Variants in TBL2 observed in about 807,000 individuals in gnomAD.
TBL2 encodes transducin beta-like protein 2.
A neutral mutation model predicts 41.8 loss-of-function variants in TBL2; 33 were observed. The observed-to-expected ratio is 0.79, with a 90% CI of 0.60 to 1.06. TBL2 has a LOEUF of 1.06. TBL2 is among the 50% of genes least tolerant of loss of function. TBL2 has a pLI of 0.00. For synonymous variants in TBL2, 239 were observed against 241.7 expected, an observed-to-expected ratio of 0.99 and a Z score of 0.10; for missense variants, 522 against 603.8, an observed-to-expected ratio of 0.86 and a Z score of 1.42.
rs782359328 is a variant in TBL2 at position 73,571,232 on chromosome 7, A to T, written c.835T>A (p.Ser279Thr). 2 of 1,614,236 alleles carry T rather than the reference A, an allele frequency of 1.2e-6. No individual in the cohort carries two copies. The highest frequency in any genetic ancestry group is 1.7e-6 in the Non-Finnish European group (2 of 1,180,048). The part of the protein sequence containing the change: ...VVRAFELKGH[S>T]AAVHSFAFSN... ...AAAGCAAACGAGTGCACAGCCGCGG[A>T]GTGGCCCTTTAGTTCGAAGGCTCGC... Residue 279 changes from serine to threonine, a missense_variant, in exon 6 of 7, where the codon TCC (serine) becomes ACC (threonine). Physicochemically the swap from Ser to Thr is moderately conservative, Grantham distance 58 (BLOSUM62 1). Transcript: ENST00000305632.
intron 4 of TBL2, 65 bp from the exon 5 acceptor site, chr7:73,573,035 C>G: frequency 6.2e-7 from 1 of 1,606,188 alleles, no homozygotes; most frequent in Non-Finnish European, 8.5e-7. Context: ...TCTCCAAAGA[C>G]ACTTACAAGG....
Position 73,577,814 on chromosome 7 carries a change from T to C in TBL2, c.130+606A>G, listed in dbSNP as rs553562685. On this transcript the variant is annotated intron_variant, in intron 1 of 6. Coordinates refer to ENST00000305632, the MANE Select transcript of TBL2 (RefSeq NM_012453.4). ...GCGTGCACAACCACACCCAGCTAAT[T>C]TTGCGTAGAGATGGGGTCTTGCTAT... 5.3e-3 allele frequency among the ~76,000 whole-genome samples: 797 copies of C among 151,388 alleles called. 5 individuals carry two copies. Among genetic ancestry groups the C allele is most frequent in the Non-Finnish European group, 8.9e-3 (602 of 67,818 alleles).
At chr7:73,574,882 C>T (rs567198153) in intron 1 of TBL2, 8 of 368,170 alleles carry the variant, frequency 2.2e-5, no homozygotes, top group Non-Finnish European at 4.3e-5. Flanking sequence ...GATTCTGTCT[C>T]TACTACTGAC....
rs201337053 is a variant in TBL2, at chr7:73,578,433, G to A, written c.117C>T (p.Ser39=). ...RGWLRAGEER[S]GRPACQKANG... ...GGCCCCACTTACAGGCGGGCCGGCC[G>A]CTCCTCTCCTCCCCCGCGCGCAGCC... The change falls in exon 1 of 7, where the codon AGC becomes AGT. Residue 39 remains serine (S), a synonymous_variant. Transcript: ENST00000305632. 1.3e-6 allele frequency: 2 copies of A among 1,531,188 alleles called. No individual in the cohort carries two copies. The highest frequency in any genetic ancestry group is 1.2e-5 in the South Asian group (1 of 82,602). The allele number at this position is 1,531,188 out of a possible 1,614,324, so 94.9% of individuals were successfully genotyped here. A position where few individuals can be genotyped will look rare whatever the true frequency, so the allele number is the denominator to read the frequency against.
At position 73,578,523 on chromosome 7, in the gene TBL2, G is replaced by A. The variant is rs1422755305; in HGVS notation, c.27C>T (p.Leu9=). 7 of 1,593,392 alleles carry A rather than the reference G, an allele frequency of 4.4e-6. No individual in the cohort carries two copies. The highest frequency in any genetic ancestry group is 6.0e-6 in the Non-Finnish European group (7 of 1,171,774). The change falls in exon 1 of 7, where the codon CTC becomes CTT. Residue 9 remains leucine, a synonymous_variant. Transcript: ENST00000305632. The part of the protein sequence containing the change: MELSQMSE[L]MGLSVLLGLL... Reference sequence around the variant, plus strand: ...GCCCAAGCAACACCGACAGCCCCATGAGCTCCGACATCTGCGAGAGCTCCA... The same window carrying A: ...GCCCAAGCAACACCGACAGCCCCATAAGCTCCGACATCTGCGAGAGCTCCA...
chr7:73,574,945 G>A, intron 1 of TBL2: 1 of 315,604 alleles, frequency 3.2e-6, no homozygotes, highest in South Asian at 2.6e-5. Context: ...TTCATGTAGA[G>A]TGGAAAAGGC....
Position 73,568,806 on chromosome 7 carries a change from A to G in TBL2, c.*1701T>C, listed in dbSNP as rs541789878. ...GCCAGGCGTGGTGGCACATGCCTGTAATCCCAGCTACTCTGGAGGCTGAGG... is the reference window on the plus strand; with the variant it reads ...GCCAGGCGTGGTGGCACATGCCTGTGATCCCAGCTACTCTGGAGGCTGAGG... On this transcript the variant is annotated 3_prime_UTR_variant, in exon 7 of 7. Coordinates refer to ENST00000305632, the MANE Select transcript of TBL2 (RefSeq NM_012453.4). 84 of 152,314 alleles carry G rather than the reference A, an allele frequency of 5.5e-4. No homozygotes were observed. The highest frequency in any genetic ancestry group is 2.0e-3 in the African/African-American group (83 of 41,552). 9.4% of individuals were successfully genotyped at this position (152,314 alleles called of 1,614,324 possible).
At chr7:73,576,674 A>G (rs1554589004) in intron 1 of TBL2, 1 of 456,484 alleles carries the variant, frequency 2.2e-6, no homozygotes. Flanking sequence ...ATGCTCCCCA[A>G]TTCCAACAGG....
intron 1 of TBL2, chr7:73,574,864 T>C: frequency 2.6e-6 from 1 of 381,650 alleles, no homozygotes. Context: ...GAATCAGACC[T>C]GGGTTTGGAT....
Position 73,571,204 on chromosome 7 carries a change from G to C in TBL2, c.863C>G (p.Ser288Cys). The change falls in exon 6 of 7, where the codon TCC becomes TGC. Residue 288 changes from serine to cysteine, a missense_variant. Coordinates refer to ENST00000305632, the MANE Select transcript of TBL2 (RefSeq NM_012453.4). ...HSAAVHSFAFSNDSRRMASVS... is the reference protein window; with the variant it reads ...HSAAVHSFAFCNDSRRMASVS... Reference sequence around the variant, plus strand: ...ATTCACTCACCTCCGTGAGTCGTTGGAGAAAGCAAACGAGTGCACAGCCGC... The same window carrying C: ...ATTCACTCACCTCCGTGAGTCGTTGCAGAAAGCAAACGAGTGCACAGCCGC... 6.2e-7 allele frequency: 1 copy of C among 1,614,218 alleles called. No individual in the cohort carries two copies. Among genetic ancestry groups the C allele is most frequent in the Non-Finnish European group, 8.5e-7 (1 of 1,180,034 alleles).
intron 1 of TBL2, chr7:73,576,404 A>T: frequency 3.0e-6 from 1 of 328,652 alleles, no homozygotes; most frequent in Non-Finnish European, 6.1e-6. Context: ...CGTCTCTACT[A>T]AAAATACAAA....
At chr7:73,573,220 G>A in intron 4 of TBL2, 100 bp downstream of exon 4, 6 of 1,529,636 alleles carry the variant, frequency 3.9e-6, no homozygotes, top group Non-Finnish European at 5.3e-6. Flanking sequence ...GTTCCTCTCA[G>A]GTTGAGCAGA....
rs1171222574 is a variant in TBL2 at position 73,574,010 on chromosome 7, C to T, written c.374G>A (p.Arg125Gln). The change falls in exon 3 of 7, where the codon CGA (arginine) becomes CAA (glutamine). Residue 125 changes from arginine (R) to glutamine (Q), a missense_variant. Physicochemically the swap from Arg to Gln is conservative, Grantham distance 43. Coordinates refer to ENST00000305632, the MANE Select transcript of TBL2 (RefSeq NM_012453.4). ...RIWSTKDFLQREHRSMRANVE... is the reference protein window; with the variant it reads ...RIWSTKDFLQQEHRSMRANVE... The stretch of plus-strand genomic sequence containing the variant: ...GTTGGCTCTCATGCTGCGGTGCTCT[C>T]GCTGCAGGAAGTCCTTGGTGCTCCA... 2.9e-5 allele frequency: 47 copies of T among 1,614,086 alleles called. No individual in the cohort carries two copies. The highest frequency in any genetic ancestry group is 1.1e-4 in the South Asian group (10 of 91,094).
chr7:73,576,579 G>A (rs1554588976), intron 1 of TBL2: 2 of 456,288 alleles, frequency 4.4e-6, no homozygotes, highest in South Asian at 1.5e-5. Context: ...CATCTGTTGA[G>A]TCCTGTGCGG....
At chr7:73,573,102 G>A (rs985536651) in intron 4 of TBL2, 132 bp from the exon 5 acceptor site, 65 of 1,433,470 alleles carry the variant, frequency 4.5e-5, no homozygotes, top group Admixed American at 1.3e-4. Context: ...CTACAGATAA[G>A]GACTCTGCTG....
In TBL2 at chr7:73,571,306, T is replaced by G; in HGVS notation, c.761A>C (p.Lys254Thr). 1 of 1,614,180 alleles carries G rather than the reference T, an allele frequency of 6.2e-7. No homozygotes were observed. ...VASCGFTPDVKVWEVCFGKKG... is the reference protein window; with the variant it reads ...VASCGFTPDVTVWEVCFGKKG... ...CTTTCCAAAGCAGACTTCCCAAACC[T>G]TCACATCTGGGGTGAAGCCACACGA... Residue 254 changes from lysine to threonine, a missense_variant, in exon 6 of 7, where the codon AAG (lysine) becomes ACG (threonine). Coordinates refer to ENST00000305632, the MANE Select transcript of TBL2 (RefSeq NM_012453.4).
Position 73,570,343 on chromosome 7 carries a change from A to G in TBL2, c.*164T>C, listed in dbSNP as rs1792844204. 4 of 1,257,282 alleles carry G rather than the reference A, an allele frequency of 3.2e-6. No homozygotes were observed. Among genetic ancestry groups the G allele is most frequent in the Non-Finnish European group, 4.2e-6 (4 of 950,762 alleles). 77.9% of individuals were successfully genotyped at this position (1,257,282 alleles called of 1,614,324 possible). A position where few individuals can be genotyped will look rare whatever the true frequency, so the allele number is the denominator to read the frequency against. On this transcript the variant is annotated 3_prime_UTR_variant, in exon 7 of 7. Transcript: ENST00000305632. ...AGTCACAGCCAGCAAGAAGAGAGAG[A>G]CCTAAGTAGACAAGAGTAGTTTCAA...
chr7:73,577,656 T>C (rs1410457722), intron 1 of TBL2, among the ~76,000 whole-genome samples: 2 of 152,210 alleles, frequency 1.3e-5, no homozygotes, highest in Non-Finnish European at 2.9e-5. Context: ...TATGAAACTT[T>C]TCAGAGACAG....
chr7:73,570,731 C>T lies in TBL2; in HGVS notation c.1120G>A (p.Glu374Lys), dbSNP rs782637042. Residue 374 changes from glutamate to lysine, a missense_variant, in exon 7 of 7, where the codon GAG becomes AAG. Glu to Lys is a moderately conservative substitution (Grantham distance 56). Transcript: ENST00000305632. ...TCAAAGGACAAGTTGGCGATACACT[C>T]GCCATGGACCCGCTCAAAGCACTCC... The part of the protein sequence containing the change: ...KEECFERVHG[E>K]CIANLSFDIT... 11 of 1,614,072 alleles carry T rather than the reference C, an allele frequency of 6.8e-6. No individual in the cohort carries two copies. Among genetic ancestry groups the T allele is most frequent in the Admixed American group, 1.7e-5 (1 of 60,014 alleles).
Sources: allele counts gnomAD v4.1 joint callset (sites outside exome capture counted in the v4.1 genomes callset), GRCh38; gene constraint gnomAD v4.1.1; transcripts MANE v1.5; gene names NCBI Gene and HGNC (gene_info 2026-07-23, HGNC 2026-07-21).